Variants in LMTK2 observed in about 807,000 individuals in gnomAD.
LMTK2 encodes serine/threonine-protein kinase LMTK2.
LMTK2 carries 37 observed loss-of-function variants against 127.5 expected under a neutral mutation model. The observed-to-expected ratio is 0.29, with a 90% CI of 0.22 to 0.38. LMTK2 has a LOEUF of 0.38. Among genes scored for constraint, LMTK2 ranks in the 10% least tolerant of loss-of-function variants. The pLI is 1.00. For missense variants in LMTK2, 1,694 were observed against 1,920.3 expected (o/e 0.88, Z 2.20); for synonymous variants, 819 against 810.1 (o/e 1.01, Z -0.19).
chr7:98,172,207 G>A (rs377750804), intron 7 of LMTK2, among the ~76,000 whole-genome samples: 6 of 152,336 alleles, frequency 3.9e-5, no homozygotes, highest in East Asian at 1.9e-4. Flanking sequence ...CCCCGCTCCC[G>A]GGTGGGTAGT....
At chr7:98,144,326 G>C (rs150621922) in intron 3 of LMTK2, among the ~76,000 whole-genome samples, 1 of 151,768 alleles carries the variant, frequency 6.6e-6, no homozygotes, top group Non-Finnish European at 1.5e-5. Flanking sequence ...CCAGCTAGTC[G>C]GGAGGCTGAG....
At chr7:98,148,790 A>T (rs1308051005) in intron 3 of LMTK2, among the ~76,000 whole-genome samples, 1 of 152,226 alleles carries the variant, frequency 6.6e-6, no homozygotes, top group Non-Finnish European at 1.5e-5. Flanking sequence ...GGCCGTTTAT[A>T]ACCCTGACTT....
chr7:98,122,931 C>T (rs780699700), intron 1 of LMTK2, among the ~76,000 whole-genome samples: 42 of 152,042 alleles, frequency 2.8e-4, no homozygotes, highest in Non-Finnish European at 5.0e-4. Flanking sequence ...TCTTTGTCCC[C>T]TCCCTTAAAT....
At chr7:98,142,863 C>G (rs1477474673) in intron 3 of LMTK2, among the ~76,000 whole-genome samples, 1 of 152,220 alleles carries the variant, frequency 6.6e-6, no homozygotes, top group Non-Finnish European at 1.5e-5. Context: ...GGCAGCTTCT[C>G]TGCTCAGTAG....
chr7:98,119,856 A>G (rs1796338463), intron 1 of LMTK2, among the ~76,000 whole-genome samples: 1 of 152,244 alleles, frequency 6.6e-6, no homozygotes, highest in Admixed American at 6.5e-5. Flanking sequence ...TGCTAGGATA[A>G]TATGTTGTTA....
intron 1 of LMTK2, among the ~76,000 whole-genome samples, chr7:98,118,961 G>T (rs577448952): frequency 1.6e-4 from 24 of 152,040 alleles, no homozygotes; most frequent in Non-Finnish European, 3.2e-4. Context: ...GTGTGGTGGC[G>T]GGTGCCTGTA....
chr7:98,166,233 T>G (rs1265967941), intron 6 of LMTK2, among the ~76,000 whole-genome samples: 1 of 152,208 alleles, frequency 6.6e-6, no homozygotes, highest in Non-Finnish European at 1.5e-5. Flanking sequence ...CTTTCTCCCC[T>G]GTTGCTGCAG....
intron 7 of LMTK2, among the ~76,000 whole-genome samples, chr7:98,182,190 C>G (rs1797365567): frequency 6.6e-6 from 1 of 152,140 alleles, no homozygotes; most frequent in Admixed American, 6.5e-5. Flanking sequence ...GTGATTTATT[C>G]AGCAGTTATT....
intron 3 of LMTK2, among the ~76,000 whole-genome samples, chr7:98,142,405 T>C (rs1477911266): frequency 1.3e-5 from 2 of 152,190 alleles, no homozygotes; most frequent in African/African-American, 4.8e-5. Context: ...TATTTAAATT[T>C]ATAGATTTTG....
At chr7:98,115,469 G>A (rs980164414) in intron 1 of LMTK2, among the ~76,000 whole-genome samples, 1 of 151,718 alleles carries the variant, frequency 6.6e-6, no homozygotes, top group African/African-American at 2.4e-5. Context: ...AAGGAAGGGA[G>A]GGCGGGAGAG....
intron 7 of LMTK2, among the ~76,000 whole-genome samples, chr7:98,180,834 G>A (rs1428312595): frequency 6.6e-6 from 1 of 152,036 alleles, no homozygotes; most frequent in Non-Finnish European, 1.5e-5. Context: ...TTTGCTAATA[G>A]CATTTTAGAG....
chr7:98,156,542 A>T (rs2116396145), intron 5 of LMTK2, among the ~76,000 whole-genome samples: 1 of 152,320 alleles, frequency 6.6e-6, no homozygotes, highest in Middle Eastern at 3.4e-3. Context: ...TAGATCCCTC[A>T]TACATTGCTT....
Position 98,190,831 on chromosome 7 carries a change from A to G in LMTK2, c.1102A>G (p.Thr368Ala). Residue 368 changes from threonine to alanine, a missense_variant, in exon 10 of 14, where the codon ACA (threonine) becomes GCA (alanine). Physicochemically the swap from Thr to Ala is moderately conservative, Grantham distance 58. Transcript: ENST00000297293. The stretch of plus-strand genomic sequence containing the variant: ...CAACCAAGTCATTAGAGAGAGAGAC[A>G]CAAAACTCCCGAAGCCCCAGCTGGA... ...VLNQVIRERD[T>A]KLPKPQLEQP... The G allele has an allele frequency of 6.2e-7, 1 of 1,614,174 alleles. No homozygotes were observed. The highest frequency in any genetic ancestry group is 8.5e-7 in the Non-Finnish European group (1 of 1,180,028).
At position 98,191,685 on chromosome 7, in the gene LMTK2, T is replaced by C; in HGVS notation, c.1220T>C (p.Leu407Pro). 1 of 1,614,204 alleles carries C rather than the reference T, an allele frequency of 6.2e-7. No homozygotes were observed. The highest frequency in any genetic ancestry group is 8.5e-7 in the Non-Finnish European group (1 of 1,180,040). Residue 407 changes from leucine (L) to proline (P), a missense_variant, in exon 11 of 14, where the codon CTG becomes CCG. By Grantham distance (98) the Leu-to-Pro change is moderately conservative. This residue lies in a region of LMTK2 where 216 missense variants were observed against 266.8 expected (regional missense o/e 0.81). Coordinates refer to ENST00000297293, the MANE Select transcript of LMTK2 (RefSeq NM_014916.4). ...RPAAEDVHRL[L>P]TYLRLQSQRD... ...GCGGCTGAAGATGTGCACAGGCTGC[T>C]GACTTACCTGCGGCTGCAGAGCCAG...
Position 98,203,569 on chromosome 7 carries a change from T to C in LMTK2, c.4108-5T>C. 1 of 1,581,356 alleles carries C rather than the reference T, an allele frequency of 6.3e-7. No homozygotes were observed. The highest frequency in any genetic ancestry group is 8.5e-7 in the Non-Finnish European group (1 of 1,170,026). Reference sequence around the variant, plus strand: ...GCTGACAGGAGTTTCTGTTTGACTTTTCAGGAGACCCCAACCAAAGAGCTG... The same window carrying C: ...GCTGACAGGAGTTTCTGTTTGACTTCTCAGGAGACCCCAACCAAAGAGCTG... On this transcript the variant is annotated splice_region_variant and splice_polypyrimidine_tract_variant and intron_variant, in intron 11 of 13. Coordinates refer to ENST00000297293, the MANE Select transcript of LMTK2 (RefSeq NM_014916.4).
chr7:98,166,210 T>C (rs1228825238), intron 6 of LMTK2, among the ~76,000 whole-genome samples: 1 of 152,214 alleles, frequency 6.6e-6, no homozygotes, highest in Non-Finnish European at 1.5e-5. Flanking sequence ...ACACTGCTCC[T>C]AGGTGCTGTC....
intron 1 of LMTK2, among the ~76,000 whole-genome samples, chr7:98,129,118 G>C (rs762739282): frequency 6.6e-6 from 1 of 151,730 alleles, no homozygotes; most frequent in South Asian, 2.1e-4. Flanking sequence ...TGTCACCCAG[G>C]CTGTCACCCA....
intron 1 of LMTK2, among the ~76,000 whole-genome samples, chr7:98,116,821 C>T (rs970245800): frequency 2.0e-4 from 31 of 152,090 alleles, no homozygotes; most frequent in African/African-American, 7.2e-4. Context: ...TAGTTATGCC[C>T]CTTGGGCTCC....
intron 1 of LMTK2, among the ~76,000 whole-genome samples, chr7:98,129,885 G>C (rs1046841077): frequency 7.9e-5 from 12 of 152,080 alleles, no homozygotes; most frequent in African/African-American, 2.9e-4. Context: ...AGCCTGGCCC[G>C]TGACCCCATT....
Sources: allele counts gnomAD v4.1 joint callset (sites outside exome capture counted in the v4.1 genomes callset), GRCh38; gene constraint gnomAD v4.1.1; regional missense constraint gnomAD v4.1.1; transcripts MANE v1.5; gene names NCBI Gene and HGNC (gene_info 2026-07-23, HGNC 2026-07-21).